The following KLHL1 variants were observed in gnomAD, a reference collection of about 807,000 sequenced individuals.
KLHL1 encodes the protein kelch like family member 1, also known as kelch-like protein 1.
KLHL1 carries 47 observed loss-of-function variants against 77.7 expected under a neutral mutation model. The observed-to-expected ratio is 0.60, with a 90% CI of 0.48 to 0.77. The LOEUF (loss-of-function observed/expected upper bound fraction) is 0.77, where lower values mean the gene tolerates loss of function less well. KLHL1 is among the 30% of genes least tolerant of loss of function. KLHL1 has a pLI of 0.00. For missense variants in KLHL1, 925 were observed against 910.8 expected (o/e 1.02, Z -0.20); for synonymous variants, 360 against 325.2 (o/e 1.11, Z -1.15).
chr13:69,765,519 G>C (rs1875257859), intron 7 of KLHL1, among the ~76,000 whole-genome samples: 1 of 152,018 alleles, frequency 6.6e-6, no homozygotes, highest in Non-Finnish European at 1.5e-5. Context: ...TATTAAAAAG[G>C]AAAAACTCTT....
intron 1 of KLHL1, among the ~76,000 whole-genome samples, chr13:69,978,118 G>A (rs1873787912): frequency 6.6e-6 from 1 of 151,956 alleles, no homozygotes; most frequent in Admixed American, 6.6e-5. Context: ...TTAAGAATTC[G>A]GGCTCAAGCA....
chr13:69,850,063 C>T (rs971264378), intron 5 of KLHL1, among the ~76,000 whole-genome samples: 4 of 151,362 alleles, frequency 2.6e-5, no homozygotes, highest in South Asian at 2.1e-4. Flanking sequence ...CAGTCACATT[C>T]GATAGCAAAA....
At chr13:69,801,562 G>A (rs530740376) in intron 6 of KLHL1, among the ~76,000 whole-genome samples, 2 of 151,750 alleles carry the variant, frequency 1.3e-5, no homozygotes, top group South Asian at 4.2e-4. Flanking sequence ...TTTATAAAAG[G>A]TATACTATAA....
intron 8 of KLHL1, among the ~76,000 whole-genome samples, chr13:69,728,622 G>A (rs962277572): frequency 2.0e-5 from 3 of 149,646 alleles, no homozygotes; most frequent in Non-Finnish European, 4.4e-5. Context: ...GGCCAACATG[G>A]TGAAACCCCG....
intron 1 of KLHL1, among the ~76,000 whole-genome samples, chr13:70,038,984 A>G (rs1042190139): frequency 6.6e-6 from 1 of 150,706 alleles, no homozygotes; most frequent in African/African-American, 2.4e-5. Flanking sequence ...AGCTCTTTTC[A>G]TGTAATTTTT....
chr13:70,053,397 G>A (rs897424297), intron 1 of KLHL1, among the ~76,000 whole-genome samples: 3 of 151,972 alleles, frequency 2.0e-5, no homozygotes, highest in East Asian at 1.9e-4. Flanking sequence ...TGCAAGAGAC[G>A]GACAGCTCTG....
At chr13:69,832,950 C>T (rs1182457400) in intron 6 of KLHL1, among the ~76,000 whole-genome samples, 1 of 152,110 alleles carries the variant, frequency 6.6e-6, no homozygotes, top group Non-Finnish European at 1.5e-5. Flanking sequence ...CAAAAATCAA[C>T]TCAATATGAA....
chr13:70,033,439 A>G lies in KLHL1; in HGVS notation c.498-57637T>C, dbSNP rs572315127. ...CCAGTAGCTGGGCCTACAGGTGCCCACCACCACGCCTGGCTAATTTGTTTT... is the reference window on the plus strand; with the variant it reads ...CCAGTAGCTGGGCCTACAGGTGCCCGCCACCACGCCTGGCTAATTTGTTTT... On this transcript the variant is annotated intron_variant, in intron 1 of 10. Coordinates refer to ENST00000377844, the MANE Select transcript of KLHL1 (RefSeq NM_020866.3). Among the ~76,000 whole-genome samples, 79 of 151,742 alleles carry G rather than the reference A, an allele frequency of 5.2e-4. 1 individual carries two copies. The highest frequency in any genetic ancestry group is 4.1e-3 in the East Asian group (21 of 5,122).
chr13:69,795,536 A>C (rs1877066404), intron 7 of KLHL1, among the ~76,000 whole-genome samples: 1 of 152,208 alleles, frequency 6.6e-6, no homozygotes, highest in Admixed American at 6.5e-5. Context: ...TCATAAGACA[A>C]AGTGTAAATT....
intron 6 of KLHL1, among the ~76,000 whole-genome samples, chr13:69,798,094 T>TAC (rs34926839): frequency 1.3e-5 from 1 of 79,250 alleles, no homozygotes; most frequent in Non-Finnish European, 2.8e-5. Context: ...CCCAAATGTT[T>TAC]ATAAGATAAT....
intron 1 of KLHL1, among the ~76,000 whole-genome samples, chr13:70,029,308 G>A (rs9572339): frequency 0.26 from 39,818 of 152,108 alleles, 5,768 homozygotes; most frequent in East Asian, 0.59. Flanking sequence ...CTATGGCATT[G>A]AAAAGGCTGG....
At chr13:69,713,104 A>C (rs904983544) in intron 9 of KLHL1, among the ~76,000 whole-genome samples, 4 of 152,312 alleles carry the variant, frequency 2.6e-5, no homozygotes, top group African/African-American at 9.6e-5. Context: ...AGCTGGAATT[A>C]AAGGCATAAC....
intron 1 of KLHL1, among the ~76,000 whole-genome samples, chr13:70,059,693 T>A (rs1240004577): frequency 6.6e-6 from 1 of 152,148 alleles, no homozygotes; most frequent in Non-Finnish European, 1.5e-5. Flanking sequence ...CTGTAAAGAA[T>A]AGAAGTTTAA....
intron 2 of KLHL1, among the ~76,000 whole-genome samples, 159 bp downstream of exon 2, chr13:69,975,460 TA>T (rs1884516675): frequency 6.6e-6 from 1 of 150,636 alleles, no homozygotes; most frequent in Non-Finnish European, 1.5e-5. Flanking sequence ...AAATAAGAAA[TA>T]AAAACAAGTA....
chr13:69,912,423 C>T lies in KLHL1; in HGVS notation c.1014+27617G>A, dbSNP rs542759437. Among the ~76,000 whole-genome samples, 6 of 152,310 alleles carry T rather than the reference C, an allele frequency of 3.9e-5. No homozygotes were observed. The South Asian group carries it at 1.2e-3, about 32-fold the overall frequency. Reference sequence around the variant, plus strand: ...ATTGTATTGTATGTGATGGCTTTCTCTCTTTGCACTACTCCTTGCAATGAC... The same window carrying T: ...ATTGTATTGTATGTGATGGCTTTCTTTCTTTGCACTACTCCTTGCAATGAC... On this transcript the variant is annotated intron_variant, in intron 4 of 10. Transcript: ENST00000377844.
At chr13:70,074,310 C>T (rs968623625) in intron 1 of KLHL1, among the ~76,000 whole-genome samples, 4 of 152,070 alleles carry the variant, frequency 2.6e-5, no homozygotes, top group Non-Finnish European at 5.9e-5. Flanking sequence ...TCCTTTCTGT[C>T]GTCTGTCTGG....
chr13:69,816,335 A>G (rs1227483870), intron 6 of KLHL1, among the ~76,000 whole-genome samples: 1 of 148,870 alleles, frequency 6.7e-6, no homozygotes, highest in African/African-American at 2.5e-5. Flanking sequence ...ATCTCGGCTC[A>G]CTGAAACCTC....
At chr13:69,935,235 C>CTGGTGAACTTGGTCCATAGTTCACAT (rs1566419785) in intron 4 of KLHL1, among the ~76,000 whole-genome samples, 1 of 137,036 alleles carries the variant, frequency 7.3e-6, no homozygotes, top group African/African-American at 3.0e-5. Flanking sequence ...ATAGTTCACC[C>CTGGTGAACTTGGTCCATAGTTCACAT]ACTGGTGAAC....
intron 1 of KLHL1, among the ~76,000 whole-genome samples, chr13:69,999,781 A>G (rs1885242223): frequency 6.6e-6 from 1 of 152,130 alleles, no homozygotes; most frequent in Non-Finnish European, 1.5e-5. Context: ...TGGCATTGTC[A>G]GAGGACAAGA....
Sources: allele counts gnomAD v4.1 joint callset (sites outside exome capture counted in the v4.1 genomes callset), GRCh38; gene constraint gnomAD v4.1.1; transcripts MANE v1.5; gene names NCBI Gene and HGNC (gene_info 2026-07-23, HGNC 2026-07-21).